Variants in TMEM132C observed in about 807,000 individuals in gnomAD.
TMEM132C encodes transmembrane protein 132C.
TMEM132C carries 29 observed loss-of-function variants against 61.4 expected under a neutral mutation model. The ratio of observed to expected loss-of-function variants is 0.47; its 90% CI spans 0.35 to 0.64. The LOEUF is 0.64. Among genes scored for constraint, TMEM132C ranks in the 30% least tolerant of loss-of-function variants. The pLI, the probability that TMEM132C is intolerant of heterozygous loss-of-function variation, is 0.00. For missense variants in TMEM132C, 1,408 were observed against 1,476.9 expected, an observed-to-expected ratio of 0.95 and a Z score of 0.76; for synonymous variants, 656 against 633.1, an observed-to-expected ratio of 1.04 and a Z score of -0.54.
At chr12:128,488,914 C>A (rs974398863) in intron 2 of TMEM132C, among the ~76,000 whole-genome samples, 1 of 152,078 alleles carries the variant, frequency 6.6e-6, no homozygotes, top group Admixed American at 6.5e-5. Context: ...CTTTTCAGTT[C>A]ATACCTCAGT....
intron 2 of TMEM132C, among the ~76,000 whole-genome samples, chr12:128,515,110 A>G (rs1485722677): frequency 1.3e-5 from 2 of 152,240 alleles, no homozygotes; most frequent in Non-Finnish European, 1.5e-5. Flanking sequence ...ATAATCTTTC[A>G]TAGTGGACTT....
intron 8 of TMEM132C, among the ~76,000 whole-genome samples, chr12:128,704,634 A>G (rs766993865): frequency 4.2e-4 from 64 of 152,158 alleles, no homozygotes; most frequent in Non-Finnish European, 7.9e-4. Context: ...TTTCCTGCCC[A>G]TCAACCTTTG....
At chr12:128,619,208 C>T (rs1474300458) in intron 4 of TMEM132C, among the ~76,000 whole-genome samples, 6 of 152,104 alleles carry the variant, frequency 3.9e-5, no homozygotes, top group Non-Finnish European at 5.9e-5. Context: ...ATTTGTTGAT[C>T]GTTTTAAAGA....
chr12:128,354,839 C>G (rs1057439756), intron 1 of TMEM132C, among the ~76,000 whole-genome samples: 2 of 152,268 alleles, frequency 1.3e-5, no homozygotes, highest in South Asian at 4.2e-4. Flanking sequence ...AGATCCCCAC[C>G]CTTCACACCA....
intron 3 of TMEM132C, among the ~76,000 whole-genome samples, chr12:128,578,760 G>C (rs537089007): frequency 7.2e-5 from 11 of 152,176 alleles, no homozygotes; most frequent in African/African-American, 2.6e-4. Flanking sequence ...ACCGCACCCT[G>C]CTAATTTTTG....
chr12:128,616,184 T>C lies in TMEM132C; in HGVS notation c.1154T>C (p.Met385Thr), dbSNP rs1876792806. ...SSSLFNEVVQ[M>T]NFEIASFSSL... ...AGTTTATTCAATGAGGTTGTGCAGA[T>C]GAACTTTGAAATAGCCAGTTTCAGC... Residue 385 changes from methionine (M) to threonine (T), a missense_variant, in exon 4 of 9, where the codon ATG (methionine) becomes ACG (threonine). Transcript: ENST00000435159. The C allele has an allele frequency of 6.4e-7, 1 of 1,551,640 alleles. No homozygotes were observed. The highest frequency in any genetic ancestry group is 1.4e-5 in the African/African-American group (1 of 73,068).
chr12:128,589,988 C>T (rs899345053), intron 3 of TMEM132C, among the ~76,000 whole-genome samples: 5 of 152,162 alleles, frequency 3.3e-5, no homozygotes, highest in Admixed American at 3.3e-4. Flanking sequence ...CTGTGCCTTC[C>T]TCAAGAGGAA....
intron 1 of TMEM132C, among the ~76,000 whole-genome samples, chr12:128,347,273 T>C (rs1253622972): frequency 6.6e-6 from 1 of 152,226 alleles, no homozygotes; most frequent in Non-Finnish European, 1.5e-5. Context: ...GTTTTACAGC[T>C]GAGTAGTATT....
At chr12:128,629,983 A>T (rs1392749849) in intron 4 of TMEM132C, among the ~76,000 whole-genome samples, 1 of 151,868 alleles carries the variant, frequency 6.6e-6, no homozygotes, top group Non-Finnish European at 1.5e-5. Context: ...AAAAAAAAAA[A>T]AAGGCAAGAG....
intron 4 of TMEM132C, among the ~76,000 whole-genome samples, chr12:128,617,248 A>C (rs2135584499): frequency 1.3e-5 from 2 of 152,326 alleles, no homozygotes; most frequent in East Asian, 3.9e-4. Context: ...TGGTATGGAC[A>C]GTGGCTTCTC....
At chr12:128,617,440 T>C (rs1302170929) in intron 4 of TMEM132C, among the ~76,000 whole-genome samples, 1 of 152,194 alleles carries the variant, frequency 6.6e-6, no homozygotes, top group Admixed American at 6.5e-5. Context: ...TGAGCCCAAC[T>C]TGAAGCCAAT....
intron 8 of TMEM132C, among the ~76,000 whole-genome samples, chr12:128,702,210 G>C (rs1013317338): frequency 2.6e-5 from 4 of 151,726 alleles, no homozygotes; most frequent in African/African-American, 9.7e-5. Flanking sequence ...CCCATTTGCT[G>C]TTATTGAGAC....
chr12:128,656,007 G>C (rs1301383228), intron 4 of TMEM132C, among the ~76,000 whole-genome samples: 1 of 152,138 alleles, frequency 6.6e-6, no homozygotes, highest in Non-Finnish European at 1.5e-5. Context: ...AGAGATTTAG[G>C]CTTCTCCTAT....
chr12:128,589,100 G>T (rs947757254), intron 3 of TMEM132C, among the ~76,000 whole-genome samples: 3 of 152,036 alleles, frequency 2.0e-5, no homozygotes, highest in African/African-American at 7.2e-5. Context: ...CAGGCTCCAG[G>T]GTGAGAACCA....
intron 2 of TMEM132C, among the ~76,000 whole-genome samples, chr12:128,439,365 C>A (rs12310033): frequency 0.078 from 11,943 of 152,192 alleles, 1,611 homozygotes; most frequent in African/African-American, 0.27. Context: ...GATATTGCCA[C>A]CTCCCTGAGG....
In TMEM132C at chr12:128,705,743, A is replaced by G. The variant is rs1213080127; in HGVS notation, c.2775A>G (p.Ile925Met). 1.3e-6 allele frequency: 2 copies of G among 1,551,372 alleles called. No individual in the cohort carries two copies. Among genetic ancestry groups the G allele is most frequent in the African/African-American group, 2.7e-5 (2 of 73,038 alleles). ...QTPRGLSDLEIGMYALLGVFC... is the reference protein window; with the variant it reads ...QTPRGLSDLEMGMYALLGVFC... ...CGCGGGGCCTGAGTGATCTGGAGATAGGGATGTACGCCCTCCTGGGGGTGT... is the reference window on the plus strand; with the variant it reads ...CGCGGGGCCTGAGTGATCTGGAGATGGGGATGTACGCCCTCCTGGGGGTGT... The change falls in exon 9 of 9, where the codon ATA (isoleucine) becomes ATG (methionine). Residue 925 changes from isoleucine (I) to methionine (M), a missense_variant. Transcript: ENST00000435159.
chr12:128,475,820 G>A (rs1345634231), intron 2 of TMEM132C, among the ~76,000 whole-genome samples: 4 of 152,158 alleles, frequency 2.6e-5, no homozygotes, highest in Non-Finnish European at 4.4e-5. Flanking sequence ...CCTGTACGAG[G>A]TAGACCCTGG....
chr12:128,309,809 T>C (rs968758106), intron 1 of TMEM132C, among the ~76,000 whole-genome samples: 11 of 152,030 alleles, frequency 7.2e-5, no homozygotes, highest in Admixed American at 1.3e-4. Context: ...CTCGACTCAC[T>C]GTAGCCTCCT....
At chr12:128,447,348 C>A (rs1870016185) in intron 2 of TMEM132C, among the ~76,000 whole-genome samples, 1 of 152,148 alleles carries the variant, frequency 6.6e-6, no homozygotes, top group Admixed American at 6.5e-5. Flanking sequence ...AGACGTTATA[C>A]AACAGGCAAG....
Sources: gnomAD v4.1 joint callset for allele counts (sites outside exome capture counted in the v4.1 genomes callset) on GRCh38, gnomAD v4.1.1 for gene constraint, MANE v1.5 for transcripts, NCBI Gene and HGNC (gene_info 2026-07-23, HGNC 2026-07-21) for gene names.